The following TATDN1 variants were observed in gnomAD, a reference collection of about 807,000 sequenced individuals.
TATDN1 encodes the protein TatD DNase domain containing 1.
TATDN1 carries 40 observed loss-of-function variants against 46.4 expected under a neutral mutation model. The ratio of observed to expected loss-of-function variants is 0.86; its 90% CI spans 0.67 to 1.12. The LOEUF is 1.12. Among genes scored for constraint, TATDN1 ranks in the 50% most tolerant of loss-of-function variants. The pLI is 0.00. For missense variants in TATDN1, 326 were observed against 348.4 expected, an observed-to-expected ratio of 0.94 and a Z score of 0.51; for synonymous variants, 95 against 105.6, an observed-to-expected ratio of 0.90 and a Z score of 0.62.
intron 3 of TATDN1, among the ~76,000 whole-genome samples, chr8:124,520,380 T>A (rs545479812): frequency 6.7e-6 from 1 of 150,332 alleles, no homozygotes; most frequent in African/African-American, 2.4e-5. Flanking sequence ...GAGGTTGCAG[T>A]GAGCCGAGAT....
At chr8:124,496,463 C>CTGT (rs1817477464) in intron 9 of TATDN1, among the ~76,000 whole-genome samples, 2 of 152,152 alleles carry the variant, frequency 1.3e-5, no homozygotes, top group South Asian at 4.1e-4. Context: ...AATAGTTTCA[C>CTGT]GGTCTTAAAA....
At chr8:124,515,480 G>A (rs1207720260) in intron 6 of TATDN1, among the ~76,000 whole-genome samples, 1 of 152,212 alleles carries the variant, frequency 6.6e-6, no homozygotes, top group Non-Finnish European at 1.5e-5. Context: ...AACAGAAAAT[G>A]TAAAATCTCT....
At position 124,522,192 on chromosome 8, in the gene TATDN1, G is replaced by A. The variant is rs773295857; in HGVS notation, c.97C>T (p.Gln33Ter). 2 of 1,590,346 alleles carry A rather than the reference G, an allele frequency of 1.3e-6. No individual in the cohort carries two copies. The highest frequency in any genetic ancestry group is 2.7e-5 in the African/African-American group (2 of 73,558). Residue 33 changes from glutamine to a stop codon, truncating the protein, a stop_gained, in exon 3 of 12, where the codon CAG becomes TAG. Transcript: ENST00000276692. LOFTEE classifies it high-confidence loss of function. ...RGVQKHQDDL[Q>*]DVIGRAVEIG... ...TCGACAGCTCTCCCTATTACATCCT[G>A]TAAGTCATCTGTAAAAGATAAACTC...
At chr8:124,523,218 T>C in intron 1 of TATDN1, 1 of 534,474 alleles carries the variant, frequency 1.9e-6, no homozygotes, top group East Asian at 3.2e-5. Flanking sequence ...GCAGAACTGG[T>C]AAGGCAGATC....
intron 11 of TATDN1, among the ~76,000 whole-genome samples, chr8:124,492,952 G>T (rs989442662): frequency 6.6e-6 from 1 of 152,092 alleles, no homozygotes; most frequent in Non-Finnish European, 1.5e-5. Context: ...ACCATGCCTG[G>T]CTGCTTCAGT....
At chr8:124,521,714 G>C (rs1820064477) in intron 3 of TATDN1, 1 of 153,960 alleles carries the variant, frequency 6.5e-6, no homozygotes, top group African/African-American at 2.4e-5. Flanking sequence ...AAAAGCCGTA[G>C]GCATTTTATT....
intron 8 of TATDN1, among the ~76,000 whole-genome samples, chr8:124,506,334 C>CAAAAAAAAAAAAAAAAAA (rs56023168): frequency 3.8e-5 from 2 of 52,488 alleles, no homozygotes; most frequent in African/African-American, 7.0e-5. Flanking sequence ...GGCTCTGTCT[C>CAAAAAAAAAAAAAAAAAA]AAAAAAAAAA....
chr8:124,536,947 A>G (rs1821477160), intron 1 of TATDN1, among the ~76,000 whole-genome samples: 2 of 152,146 alleles, frequency 1.3e-5, no homozygotes, highest in African/African-American at 4.8e-5. Context: ...ATGAATCTGT[A>G]TAACAATCTA....
chr8:124,493,395 C>CTA (rs1290983385), intron 11 of TATDN1, among the ~76,000 whole-genome samples: 6 of 151,980 alleles, frequency 3.9e-5, no homozygotes, highest in South Asian at 2.1e-4. Flanking sequence ...TTCACTTGTG[C>CTA]TATATATATA....
intron 1 of TATDN1, among the ~76,000 whole-genome samples, chr8:124,531,266 A>G (rs1820928390): frequency 6.6e-6 from 1 of 152,180 alleles, no homozygotes; most frequent in Non-Finnish European, 1.5e-5. Context: ...TAACAATTTC[A>G]AAAGGGGAGA....
chr8:124,510,422 C>G (rs1818909010), intron 6 of TATDN1, among the ~76,000 whole-genome samples: 1 of 152,194 alleles, frequency 6.6e-6, no homozygotes, highest in African/African-American at 2.4e-5. Flanking sequence ...TTTCCACACA[C>G]AATTCCATGG....
At chr8:124,496,779 G>C (rs1378501953) in intron 9 of TATDN1, among the ~76,000 whole-genome samples, 1 of 152,092 alleles carries the variant, frequency 6.6e-6, no homozygotes, top group Non-Finnish European at 1.5e-5. Context: ...TTATTACAAA[G>C]AATTTAAGAT....
chr8:124,508,675 G>A lies in TATDN1; in HGVS notation c.403C>T (p.Gln135Ter). The change falls in exon 7 of 12, where the codon CAG (glutamine) becomes TAG (stop). Residue 135 changes from glutamine (Q) to a stop codon, truncating the protein, a stop_gained. Transcript: ENST00000276692. LOFTEE classifies it high-confidence loss of function. ...KDTQLKYFEK[Q>*]FELSEQTKLP... is the part of the protein sequence containing the mutation. ...TTTGTTTGTTCTGACAGTTCAAACTGTTTTTCAAAATATCTGCATAATGCA... is the reference window on the plus strand; with the variant it reads ...TTTGTTTGTTCTGACAGTTCAAACTATTTTTCAAAATATCTGCATAATGCA... The A allele has an allele frequency of 6.5e-7, 1 of 1,546,908 alleles. No homozygotes were observed. Among genetic ancestry groups the A allele is most frequent in the Non-Finnish European group, 8.7e-7 (1 of 1,146,066 alleles).
At chr8:124,504,207 T>C (rs750713826) in intron 9 of TATDN1, 64 bp downstream of exon 9, 2 of 1,220,770 alleles carry the variant, frequency 1.6e-6, no homozygotes, top group Non-Finnish European at 2.4e-6. Flanking sequence ...AGCAATTCAC[T>C]GTAAGACAAT....
chr8:124,492,440 C>T (rs1349944411), intron 11 of TATDN1, among the ~76,000 whole-genome samples: 1 of 152,128 alleles, frequency 6.6e-6, no homozygotes, highest in Non-Finnish European at 1.5e-5. Flanking sequence ...TGGCTGCTGT[C>T]AAAATACCAG....
intron 9 of TATDN1, among the ~76,000 whole-genome samples, chr8:124,501,618 T>C (rs368662292): frequency 2.6e-5 from 4 of 151,834 alleles, no homozygotes; most frequent in African/African-American, 9.7e-5. Flanking sequence ...TATTCAGAAA[T>C]TGAAAACAAA....
chr8:124,514,128 C>T (rs1819258583), intron 6 of TATDN1, among the ~76,000 whole-genome samples: 1 of 152,130 alleles, frequency 6.6e-6, no homozygotes, highest in African/African-American at 2.4e-5. Context: ...CCATCCTATT[C>T]TACTTGGTTA....
intron 11 of TATDN1, chr8:124,489,403 C>CTTTTTTTTTTTTTT (rs11443180): frequency 1.4e-5 from 2 of 146,744 alleles, no homozygotes; most frequent in Non-Finnish European, 3.0e-5. Context: ...TCTTTCCTTT[C>CTTTTTTTTTTTTTT]TTTTTTTTTT....
At chr8:124,499,921 T>G (rs1342776816) in intron 9 of TATDN1, among the ~76,000 whole-genome samples, 1 of 151,138 alleles carries the variant, frequency 6.6e-6, no homozygotes. Context: ...TTCGGCTCAC[T>G]GAAACCTCCG....
Sources: allele counts gnomAD v4.1 joint callset (sites outside exome capture counted in the v4.1 genomes callset), GRCh38; gene constraint gnomAD v4.1.1; transcripts MANE v1.5; gene names NCBI Gene and HGNC (gene_info 2026-07-23, HGNC 2026-07-21).